Variants in KCNQ1 observed in about 807,000 individuals in gnomAD.
The protein encoded by KCNQ1 is potassium voltage-gated channel subfamily Q member 1, also known as potassium voltage-gated channel subfamily KQT member 1.
KCNQ1 carries 49 observed loss-of-function variants against 72.4 expected under a neutral mutation model. The observed-to-expected ratio is 0.68, with a 90% CI of 0.54 to 0.86. The LOEUF is 0.86. KCNQ1 is among the 40% of genes least tolerant of loss of function. The pLI is 0.00. For synonymous variants in KCNQ1, 450 were observed against 412.6 expected (o/e 1.09, Z -1.10); for missense variants, 790 against 945.1 (o/e 0.84, Z 2.15).
rs1468108554 is a variant in KCNQ1 at position 2,495,275 on chromosome 11, C to CA, written c.387-32647dup. Among the ~76,000 whole-genome samples, 1 of 151,996 alleles carries CA rather than the reference C, an allele frequency of 6.6e-6. No individual in the cohort carries two copies. Among genetic ancestry groups the CA allele is most frequent in the African/African-American group, 2.4e-5 (1 of 41,370 alleles). ...TGGCAGTCTATTTTGTTAATCTTTT[C>CA]AAAAAACCAGCTCCTGGATTCATTG... On this transcript the variant is annotated intron_variant, in intron 1 of 15. Transcript: ENST00000155840. The surrounding 1 kb of genome is among the most constrained non-coding windows in gnomAD (Gnocchi z 4.6).
intron 11 of KCNQ1, among the ~76,000 whole-genome samples, chr11:2,765,149 T>G (rs1846474760): frequency 6.6e-6 from 1 of 152,248 alleles, no homozygotes; most frequent in Non-Finnish European, 1.5e-5. Flanking sequence ...TGTGCTTATT[T>G]CACTGTACTT....
intron 1 of KCNQ1, chr11:2,461,648 C>G: frequency 1.5e-6 from 2 of 1,366,484 alleles, no homozygotes; most frequent in Non-Finnish European, 2.0e-6. Flanking sequence ...GAATTTGAGG[C>G]CTGTGGCTGC....
rs898838711 is a variant in KCNQ1 at position 2,543,999 on chromosome 11, G to A, written c.477+15981G>A. Among the ~76,000 whole-genome samples, 5 of 152,164 alleles carry A rather than the reference G, an allele frequency of 3.3e-5. No homozygotes were observed. Among genetic ancestry groups the A allele is most frequent in the South Asian group, 2.1e-4 (1 of 4,820 alleles). ...TGGGATTGTTACAGCCCTATAATAC[G>A]GTTAAAATAAGTTAGGGTAATTTAG... On this transcript the variant is annotated intron_variant, in intron 2 of 15. Transcript: ENST00000155840. This position sits in a 1 kb window ranked among gnomAD's most constrained non-coding sequence, Gnocchi z 5.6.
rs576090931 is a variant in KCNQ1 at position 2,607,124 on chromosome 11, C to T, written c.1393+18270C>T. Reference sequence around the variant, plus strand: ...TTCACCATATTAGCCAGTATGGTCTCGATCTCCTGACCTCGTGATCCACCC... The same window carrying T: ...TTCACCATATTAGCCAGTATGGTCTTGATCTCCTGACCTCGTGATCCACCC... On this transcript the variant is annotated intron_variant, in intron 10 of 15. Coordinates refer to ENST00000155840, the MANE Select transcript of KCNQ1 (RefSeq NM_000218.3). 9.9e-5 allele frequency among the ~76,000 whole-genome samples: 15 copies of T among 151,974 alleles called. No homozygotes were observed. In the Middle Eastern group the frequency reaches 0.01, roughly 103 times the overall value.
chr11:2,781,355 C>T lies in KCNQ1; in HGVS notation c.1794+3318C>T, dbSNP rs1347518185. 1.3e-5 allele frequency among the ~76,000 whole-genome samples: 2 copies of T among 152,084 alleles called. No individual in the cohort carries two copies. The highest frequency in any genetic ancestry group is 2.9e-5 in the Non-Finnish European group (2 of 68,008). On this transcript the variant is annotated intron_variant, in intron 15 of 15. Coordinates refer to ENST00000155840, the MANE Select transcript of KCNQ1 (RefSeq NM_000218.3). This position sits in a 1 kb window ranked among gnomAD's most constrained non-coding sequence, Gnocchi z 6.6. ...GGGGTGGGAGATGAGGTAGAGAGAG[C>T]AAGGAGGGGTTTCATATCACCCAAA...
chr11:2,734,010 G>C lies in KCNQ1; in HGVS notation c.1515-34834G>C, dbSNP rs1469486612. ...TCCCCTGAACATCCTCCTCAGAGCA[G>C]TTGCGCGCTCTAAATCAGGACCACC... On this transcript the variant is annotated intron_variant, in intron 11 of 15. Transcript: ENST00000155840. This position sits in a 1 kb window ranked among gnomAD's most constrained non-coding sequence, Gnocchi z 7.0. Among the ~76,000 whole-genome samples the C allele has an allele frequency of 2.0e-5, 3 of 151,932 alleles. No homozygotes were observed. The highest frequency in any genetic ancestry group is 7.3e-5 in the African/African-American group (3 of 41,342).
rs906051524 is a variant in KCNQ1, at chr11:2,826,147, G to C, written c.1795-21620G>C. ...CAATGTCTTGAGTAATTATTGGGGG[G>C]CGGGGGCTGTCCAGCCCGCAGCAGA... On this transcript the variant is annotated intron_variant, in intron 15 of 15. Coordinates refer to ENST00000155840, the MANE Select transcript of KCNQ1 (RefSeq NM_000218.3). This position sits in a 1 kb window ranked among gnomAD's most constrained non-coding sequence, Gnocchi z 4.2. Among the ~76,000 whole-genome samples the C allele has an allele frequency of 1.3e-5, 2 of 152,368 alleles. No homozygotes were observed. Among genetic ancestry groups the C allele is most frequent in the South Asian group, 4.1e-4 (2 of 4,828 alleles).
At chr11:2,452,061 G>A (rs570154122) in intron 1 of KCNQ1, among the ~76,000 whole-genome samples, 1 of 152,336 alleles carries the variant, frequency 6.6e-6, no homozygotes, top group East Asian at 1.9e-4. Flanking sequence ...CCTGCGTCCT[G>A]GCAGCGGGTG....
chr11:2,672,029 T>C (rs1175309818), intron 11 of KCNQ1: 4 of 398,544 alleles, frequency 1.0e-5, no homozygotes, highest in African/African-American at 2.1e-5. Flanking sequence ...CTCCCTACCC[T>C]GGCCCGGTCT....
chr11:2,559,312 C>T lies in KCNQ1; in HGVS notation c.478-11316C>T, dbSNP rs994640822. ...GTAGAGAAATGTGTGAACATGGCTC[C>T]CCTTAGGCCAGGGGTAGACGCAGGC... On this transcript the variant is annotated intron_variant, in intron 2 of 15. Transcript: ENST00000155840. The surrounding 1 kb of genome is among the most constrained non-coding windows in gnomAD (Gnocchi z 4.9). Among the ~76,000 whole-genome samples the T allele has an allele frequency of 1.4e-4, 21 of 152,158 alleles. No individual in the cohort carries two copies. Among genetic ancestry groups the T allele is most frequent in the African/African-American group, 4.8e-4 (20 of 41,434 alleles).
chr11:2,802,547 G>C (rs1026783418), intron 15 of KCNQ1, among the ~76,000 whole-genome samples: 1 of 152,196 alleles, frequency 6.6e-6, no homozygotes, highest in Admixed American at 6.5e-5. Context: ...TCTGGGGACC[G>C]TGGCTCTGGC....
chr11:2,696,965 C>T (rs139311778), intron 11 of KCNQ1: 5 of 398,276 alleles, frequency 1.3e-5, no homozygotes, highest in African/African-American at 6.2e-5. Flanking sequence ...TGTTAAGTTC[C>T]TTAATTTTTT....
In KCNQ1 at chr11:2,848,654, C is replaced by T. The variant is rs1384142648; in HGVS notation, c.*651C>T. The T allele has an allele frequency of 6.6e-6, 3 of 451,256 alleles. No homozygotes were observed. Among genetic ancestry groups the T allele is most frequent in the East Asian group, 7.0e-5 (1 of 14,302 alleles). The allele number at this position is 451,256 out of a possible 1,614,324, so 28.0% of individuals were successfully genotyped here. On this transcript the variant is annotated 3_prime_UTR_variant, in exon 16 of 16. Coordinates refer to ENST00000155840, the MANE Select transcript of KCNQ1 (RefSeq NM_000218.3). ...AGGGCACGTGGTTGAGTGGGGGGAA[C>T]GCCCACTTCCCTGGGTTAGACTGCC...
intron 11 of KCNQ1, chr11:2,684,968 G>A: frequency 2.5e-6 from 1 of 398,696 alleles, no homozygotes; most frequent in Non-Finnish European, 4.4e-6. Flanking sequence ...GAGTGAAATG[G>A]CTTCCAATTT....
intron 10 of KCNQ1, chr11:2,648,981 C>CTTTTTTTTTTTTTTTTTTTTT: frequency 2.3e-4 from 48 of 213,286 alleles, no homozygotes; most frequent in Admixed American, 4.8e-4. Context: ...TTTTCTTTTT[C>CTTTTTTTTTTTTTTTTTTTTT]TTTTTTTTTT....
At chr11:2,807,384 G>A (rs1045638835) in intron 15 of KCNQ1, among the ~76,000 whole-genome samples, 1 of 152,188 alleles carries the variant, frequency 6.6e-6, no homozygotes, top group Non-Finnish European at 1.5e-5. Context: ...AGATAAGGCC[G>A]GGAGGGGACC....
At position 2,828,948 on chromosome 11, in the gene KCNQ1, G is replaced by T. The variant is rs976412656; in HGVS notation, c.1795-18819G>T. On this transcript the variant is annotated intron_variant, in intron 15 of 15. Coordinates refer to ENST00000155840, the MANE Select transcript of KCNQ1 (RefSeq NM_000218.3). This position sits in a 1 kb window ranked among gnomAD's most constrained non-coding sequence, Gnocchi z 5.3. ...CAATTTCTTAACAGCAATTCAGAAA[G>T]CTAGCACATAGTAGAGAAATGCCTT... Among the ~76,000 whole-genome samples the T allele has an allele frequency of 6.6e-6, 1 of 152,152 alleles. No individual in the cohort carries two copies. Among genetic ancestry groups the T allele is most frequent in the African/African-American group, 2.4e-5 (1 of 41,436 alleles).
rs1848973571 is a variant in KCNQ1, at chr11:2,611,081, T to C, written c.1393+22227T>C. The stretch of plus-strand genomic sequence containing the variant: ...TTCAGGGCTGTGTTTTTAGCTGTTA[T>C]AAATTTTTATTTCTTTATGACTTCT... On this transcript the variant is annotated intron_variant, in intron 10 of 15. Transcript: ENST00000155840. This position sits in a 1 kb window ranked among gnomAD's most constrained non-coding sequence, Gnocchi z 5.3. 1.0e-5 allele frequency: 4 copies of C among 398,572 alleles called. No homozygotes were observed. Among genetic ancestry groups the C allele is most frequent in the Admixed American group, 4.4e-5 (1 of 22,732 alleles). The allele number at this position is 398,572 out of a possible 1,614,324, so 24.7% of individuals were successfully genotyped here. A position where few individuals can be genotyped will look rare whatever the true frequency, so the allele number is the denominator to read the frequency against.
At chr11:2,777,612 G>GA in intron 14 of KCNQ1, 1 of 427,608 alleles carries the variant, frequency 2.3e-6, no homozygotes, top group Non-Finnish European at 3.9e-6. Context: ...CTGGTGTAAC[G>GA]GAGCAGCGGA....
Sources: allele counts gnomAD v4.1 joint callset (sites outside exome capture counted in the v4.1 genomes callset), GRCh38; gene constraint gnomAD v4.1.1; non-coding constraint Gnocchi (gnomAD v3.1); transcripts MANE v1.5; gene names NCBI Gene and HGNC (gene_info 2026-07-23, HGNC 2026-07-21).